KCNC4: variants seen among roughly 807,000 people sequenced by gnomAD.
The protein encoded by KCNC4 is voltage-gated potassium channel KCNC4.
In KCNC4, 23 loss-of-function variants were observed where a neutral mutation model predicts 42.8. The observed-to-expected ratio is 0.54, with a 90% CI of 0.39 to 0.76. KCNC4 has a LOEUF of 0.76. Among genes scored for constraint, KCNC4 ranks in the 30% least tolerant of loss-of-function variants. The probability of loss-of-function intolerance (pLI) is 0.00; values close to 1 mark genes in which losing one functional copy is unlikely to be tolerated. For missense variants in KCNC4, 751 were observed against 898.2 expected, an observed-to-expected ratio of 0.84 and a Z score of 2.10; for synonymous variants, 422 against 393.5, an observed-to-expected ratio of 1.07 and a Z score of -0.86.
intron 1 of KCNC4, chr1:110,220,169 A>G (rs1056819713): frequency 1.3e-5 from 2 of 152,192 alleles, no homozygotes; most frequent in African/African-American, 4.8e-5. Flanking sequence ...TTGTGCCTCT[A>G]TTTCACTTAA....
downstream of KCNC4, among the ~76,000 whole-genome samples, chr1:110,250,169 T>C (rs1363975154): frequency 6.6e-6 from 1 of 151,922 alleles, no homozygotes; most frequent in East Asian, 1.9e-4. Flanking sequence ...CCCACCTCCC[T>C]CCTCCCACAT....
At chr1:110,257,764 G>T (rs1261155104) in intron 1 of KCNC4, among the ~76,000 whole-genome samples, 1 of 149,392 alleles carries the variant, frequency 6.7e-6, no homozygotes, top group East Asian at 1.9e-4. Context: ...GGTGTTCCAG[G>T]GCTGGTATGG....
chr1:110,244,955 C>G (rs949062058), exon 4 of KCNC4: 1 of 152,230 alleles, frequency 6.6e-6, no homozygotes, highest in Non-Finnish European at 1.5e-5. Flanking sequence ...ATCCTGTGTG[C>G]CTCCTACTTA....
At chr1:110,251,550 A>G (rs1304703030), downstream of KCNC4, among the ~76,000 whole-genome samples, 3 of 152,200 alleles carry the variant, frequency 2.0e-5, no homozygotes, top group African/African-American at 4.8e-5. Flanking sequence ...TCAGTCTCAG[A>G]TGTGTCTTCA....
chr1:110,253,319 A>G (rs1659275754), downstream of KCNC4, among the ~76,000 whole-genome samples: 2 of 152,236 alleles, frequency 1.3e-5, no homozygotes, highest in Admixed American at 1.3e-4. Context: ...TCTTCCCTAA[A>G]GAATAACAAC....
intron 1 of KCNC4, among the ~76,000 whole-genome samples, chr1:110,215,457 G>A (rs188807701): frequency 1.3e-5 from 2 of 152,346 alleles, no homozygotes; most frequent in African/African-American, 2.4e-5. Context: ...CAGACAAGAG[G>A]CCTGGAGAAT....
At chr1:110,226,212 C>T (rs1658385549) in intron 3 of KCNC4, 34 bp downstream of exon 3, 1 of 1,600,430 alleles carries the variant, frequency 6.2e-7, no homozygotes, top group Non-Finnish European at 8.6e-7. Context: ...GTGGGGAGCC[C>T]CCACAGAGCT....
intron 1 of KCNC4, among the ~76,000 whole-genome samples, chr1:110,259,509 A>G (rs77917428): frequency 6.6e-6 from 1 of 152,184 alleles, no homozygotes. Context: ...TCTCTTGCAG[A>G]TGTTCACAGT....
chr1:110,282,576 A>G (rs548083687), exon 2 of KCNC4: 1 of 152,302 alleles, frequency 6.6e-6, no homozygotes, highest in East Asian at 1.9e-4. Flanking sequence ...CACTGAAGTG[A>G]CCTGTGAACA....
intron 1 of KCNC4, among the ~76,000 whole-genome samples, chr1:110,213,067 G>A (rs1441315277): frequency 6.7e-6 from 1 of 149,864 alleles, no homozygotes; most frequent in Admixed American, 6.7e-5. Flanking sequence ...GGTTGATTTA[G>A]GCAAGACCTA....
chr1:110,254,675 A>G (rs888842863), intron 1 of KCNC4, among the ~76,000 whole-genome samples: 2 of 152,180 alleles, frequency 1.3e-5, no homozygotes, highest in Non-Finnish European at 2.9e-5. Flanking sequence ...TGGGGGGAGG[A>G]CTGTCTGTAG....
intron 3 of KCNC4, chr1:110,232,654 T>G: frequency 6.9e-7 from 1 of 1,450,164 alleles, no homozygotes; most frequent in Non-Finnish European, 9.0e-7. Context: ...GGCAGAGGGG[T>G]GAAGGGTTCA....
chr1:110,244,190 C>A (rs1213148955), exon 4 of KCNC4: 1 of 152,154 alleles, frequency 6.6e-6, no homozygotes, highest in African/African-American at 2.4e-5. Flanking sequence ...TAATGGAATA[C>A]TATTTCCCTT....
intron 2 of KCNC4, 104 bp downstream of exon 2, chr1:110,224,004 C>A (rs1384954421): frequency 2.2e-6 from 2 of 909,192 alleles, no homozygotes; most frequent in Non-Finnish European, 3.3e-6. Context: ...TTGTGTGGGG[C>A]TTCCCTAAGC....
intron 3 of KCNC4, 89 bp from the exon 4 acceptor site, chr1:110,232,822 C>G: frequency 1.3e-6 from 2 of 1,550,884 alleles, no homozygotes; most frequent in Non-Finnish European, 1.7e-6. Context: ...CTTTCTTTTG[C>G]TGAACTCCCT....
At chr1:110,239,778 G>A (rs547964169) in exon 4 of KCNC4, 3 of 152,276 alleles carry the variant, frequency 2.0e-5, no homozygotes, top group African/African-American at 7.2e-5. Flanking sequence ...AGAATAATGA[G>A]GAAGCCTTGG....
At chr1:110,261,872 A>T (rs1472984518) in intron 1 of KCNC4, among the ~76,000 whole-genome samples, 1 of 152,264 alleles carries the variant, frequency 6.6e-6, no homozygotes, top group Admixed American at 6.5e-5. Context: ...TATCAAAATT[A>T]AAAAGTTACT....
chr1:110,238,589 A>G (rs1198081466), downstream of KCNC4: 2 of 152,194 alleles, frequency 1.3e-5, no homozygotes, highest in East Asian at 1.9e-4. Context: ...TAGGGACCCA[A>G]ACAGACACTC....
intron 2 of KCNC4, chr1:110,224,344 A>G (rs976505015): frequency 1.8e-5 from 3 of 167,186 alleles, no homozygotes; most frequent in African/African-American, 4.8e-5. Context: ...CACATTACAA[A>G]TGTCAGGTAC....
Sources: gnomAD v4.1 joint callset for allele counts (sites outside exome capture counted in the v4.1 genomes callset) on GRCh38, gnomAD v4.1.1 for gene constraint, MANE v1.5 for transcripts, NCBI Gene and HGNC (gene_info 2026-07-23, HGNC 2026-07-21) for gene names.